PVR: variants seen among roughly 807,000 people sequenced by gnomAD.
PVR encodes PVR cell adhesion molecule, also known as poliovirus receptor.
PVR carries 39 observed loss-of-function variants against 43.3 expected under a neutral mutation model. The ratio of observed to expected loss-of-function variants is 0.90; its 90% CI spans 0.70 to 1.18. The LOEUF is 1.18. PVR is among the 50% of genes most tolerant of loss of function. The pLI is 0.00. For synonymous variants in PVR, 224 were observed against 233.2 expected, an observed-to-expected ratio of 0.96 and a Z score of 0.36; for missense variants, 480 against 549.7, an observed-to-expected ratio of 0.87 and a Z score of 1.27.
intron 3 of PVR, among the ~76,000 whole-genome samples, chr19:44,651,030 G>A (rs544152294): frequency 3.9e-5 from 6 of 152,130 alleles, no homozygotes; most frequent in African/African-American, 7.2e-5. Context: ...CACCATGCCC[G>A]GCTAATTTTA....
chr19:44,656,853 G>C (rs995854236), intron 4 of PVR, among the ~76,000 whole-genome samples: 1 of 152,150 alleles, frequency 6.6e-6, no homozygotes, highest in African/African-American at 2.4e-5. Context: ...TGCACCTGTA[G>C]TCCCAGCTAC....
intron 2 of PVR, among the ~76,000 whole-genome samples, chr19:44,648,029 G>A (rs1973179086): frequency 6.6e-6 from 1 of 152,110 alleles, no homozygotes. Context: ...GTGTACCCAT[G>A]AGGGCAGAAC....
In PVR at chr19:44,662,219, T is replaced by G; in HGVS notation, c.*408T>G. The G allele has an allele frequency of 5.0e-6, 1 of 201,024 alleles. No individual in the cohort carries two copies. The highest frequency in any genetic ancestry group is 1.1e-4 in the South Asian group (1 of 9,182). 12.5% of individuals were successfully genotyped at this position (201,024 alleles called of 1,614,324 possible). A position where few individuals can be genotyped will look rare whatever the true frequency, so the allele number is the denominator to read the frequency against. On this transcript the variant is annotated 3_prime_UTR_variant, in exon 8 of 8. Transcript: ENST00000425690. ...AACATGCAAGAAGTACTGCCAATAC[T>G]GCCAACCAGAGCAGCTCACTCGAGA... is the stretch of plus-strand genomic sequence containing the variant.
At position 44,644,028 on chromosome 19, in the gene PVR, G is replaced by T; in HGVS notation, c.-69G>T. The T allele has an allele frequency of 3.7e-6, 5 of 1,353,480 alleles. No individual in the cohort carries two copies. Among genetic ancestry groups the T allele is most frequent in the African/African-American group, 1.5e-5 (1 of 66,356 alleles). 83.8% of individuals were successfully genotyped at this position (1,353,480 alleles called of 1,614,324 possible). The stretch of plus-strand genomic sequence containing the variant: ...CGGGAGCTGGACTCGCAGCGACCGC[G>T]GCAGAGCGAGCGGGCGCCGGGAAGC... On this transcript the variant is annotated 5_prime_UTR_variant, in exon 1 of 8. Transcript: ENST00000425690.
chr19:44,661,179 G>A, intron 6 of PVR, 113 bp from the exon 7 acceptor site: 1 of 966,670 alleles, frequency 1.0e-6, no homozygotes, highest in Non-Finnish European at 1.7e-6. Context: ...GCACCCCCAT[G>A]TAATAGCAGA....
chr19:44,644,808 C>G (rs567106634), intron 1 of PVR, among the ~76,000 whole-genome samples: 18 of 149,364 alleles, frequency 1.2e-4, no homozygotes, highest in Non-Finnish European at 2.4e-4. Flanking sequence ...CTCCTCCTCC[C>G]GAGTTCAAGC....
intron 1 of PVR, 125 bp from the exon 2 acceptor site, chr19:44,647,074 AGTTCCCCCTCCCCCCACACCCCAC>A: frequency 4.1e-5 from 1 of 24,322 alleles, no homozygotes; most frequent in Non-Finnish European, 7.9e-5. Context: ...CTAGTGCCCC[AGTTCCCCCTCCCCCCACACCCCAC>A]GGTCCACCGG....
chr19:44,650,152 C>G, intron 3 of PVR, 47 bp downstream of exon 3: 1 of 1,480,408 alleles, frequency 6.8e-7, no homozygotes, highest in Non-Finnish European at 9.0e-7. Flanking sequence ...GCCGGGCTGC[C>G]CCCACCACTG....
intron 1 of PVR, among the ~76,000 whole-genome samples, chr19:44,644,889 T>C (rs1433365615): frequency 6.9e-6 from 1 of 144,914 alleles, no homozygotes; most frequent in African/African-American, 2.6e-5. Context: ...CTAATATTTT[T>C]GTATTTTTAG....
At chr19:44,659,699 C>T (rs1022834032) in intron 6 of PVR, among the ~76,000 whole-genome samples, 5 of 152,138 alleles carry the variant, frequency 3.3e-5, no homozygotes, top group Non-Finnish European at 7.3e-5. Flanking sequence ...CCAGGCTGGT[C>T]TCAAACCCCT....
chr19:44,659,898 C>T (rs1259435655), intron 6 of PVR, among the ~76,000 whole-genome samples: 1 of 152,230 alleles, frequency 6.6e-6, no homozygotes, highest in African/African-American at 2.4e-5. Context: ...AATGGTCAAA[C>T]AGCTGGACAT....
chr19:44,659,994 G>A (rs928941998), intron 6 of PVR, among the ~76,000 whole-genome samples: 5 of 152,250 alleles, frequency 3.3e-5, no homozygotes, highest in Admixed American at 2.0e-4. Flanking sequence ...CAACCCAGGC[G>A]GATACTGCCT....
rs1278613590 is a variant in PVR at position 44,644,147 on chromosome 19, G to C, written c.51G>C (p.Leu17=). The change falls in exon 1 of 8, where the codon CTG becomes CTC. Residue 17 remains leucine (L), a synonymous_variant. Coordinates refer to ENST00000425690, the MANE Select transcript of PVR (RefSeq NM_006505.5). The part of the protein sequence containing the change: ...AAWPLLLVAL[L]VLSWPPPGTG... ...GGCCGCTGCTGCTGGTGGCGCTACT[G>C]GTGCTGTCCTGGCCACCCCCAGGAA... 6.6e-7 allele frequency: 1 copy of C among 1,518,498 alleles called. No homozygotes were observed. Among genetic ancestry groups the C allele is most frequent in the Admixed American group, 2.0e-5 (1 of 49,284 alleles). The allele number at this position is 1,518,498 out of a possible 1,614,324, so 94.1% of individuals were successfully genotyped here.
rs1227996075 is a variant in PVR, at chr19:44,662,069, A to G, written c.*258A>G. On this transcript the variant is annotated 3_prime_UTR_variant, in exon 8 of 8. Transcript: ENST00000425690. ...AGTTTATTACAGTAAAAGGACAGAG[A>G]TTAAGATCAGCAAAGGGAGGAGGTG... 5 of 507,476 alleles carry G rather than the reference A, an allele frequency of 9.9e-6. No individual in the cohort carries two copies. Among genetic ancestry groups the G allele is most frequent in the African/African-American group, 1.9e-5 (1 of 52,358 alleles). 31.4% of individuals were successfully genotyped at this position (507,476 alleles called of 1,614,324 possible).
chr19:44,657,523 T>C (rs535573357), intron 4 of PVR, among the ~76,000 whole-genome samples: 1 of 151,862 alleles, frequency 6.6e-6, no homozygotes, highest in South Asian at 2.1e-4. Flanking sequence ...AGCAGGGAGG[T>C]ACCGTGGAAG....
intron 1 of PVR, among the ~76,000 whole-genome samples, chr19:44,645,005 A>G (rs1291537860): frequency 1.8e-5 from 2 of 109,836 alleles, no homozygotes; most frequent in East Asian, 5.1e-4. Flanking sequence ...ATATATAATA[A>G]AAATATATAA....
chr19:44,647,077 T>TCCCCCAC, intron 1 of PVR, 146 bp from the exon 2 acceptor site: 1 of 311,374 alleles, frequency 3.2e-6, no homozygotes. Flanking sequence ...GTGCCCCAGT[T>TCCCCCAC]CCCCCTCCCC....
chr19:44,650,017 C>T lies in PVR; in HGVS notation c.636C>T (p.Ser212=). The T allele has an allele frequency of 6.2e-7, 1 of 1,600,934 alleles. No homozygotes were observed. The highest frequency in any genetic ancestry group is 8.5e-7 in the Non-Finnish European group (1 of 1,172,810). Residue 212 remains serine, a synonymous_variant, in exon 3 of 8, where the codon AGC becomes AGT. Transcript: ENST00000425690. ...VTSLWILVPS[S]QVDGKNVTCK... ...GCCTCTGGATATTGGTGCCCTCAAG[C>T]CAGGTGGACGGCAAGAATGTGACCT... is the stretch of plus-strand genomic sequence containing the variant.
rs755533412 is a variant in PVR, at chr19:44,664,620, G to A, written c.*2809G>A. ...GAGGGCTGTACAGGGCTTTTTTAACGAGGCCTCTAAGGACAGGCATTTGTA... is the reference window on the plus strand; with the variant it reads ...GAGGGCTGTACAGGGCTTTTTTAACAAGGCCTCTAAGGACAGGCATTTGTA... On this transcript the variant is annotated 3_prime_UTR_variant, in exon 8 of 8. Transcript: ENST00000425690. 7 of 152,008 alleles carry A rather than the reference G, an allele frequency of 4.6e-5. No individual in the cohort carries two copies. Among genetic ancestry groups the A allele is most frequent in the Admixed American group, 6.6e-5 (1 of 15,262 alleles). The allele number at this position is 152,008 out of a possible 1,614,324, so 9.4% of individuals were successfully genotyped here.
Sources: allele counts gnomAD v4.1 joint callset (sites outside exome capture counted in the v4.1 genomes callset), GRCh38; gene constraint gnomAD v4.1.1; transcripts MANE v1.5; gene names NCBI Gene and HGNC (gene_info 2026-07-23, HGNC 2026-07-21).